The following MID1 variants were observed in gnomAD, a reference collection of about 807,000 sequenced individuals.
MID1 encodes the protein E3 ubiquitin-protein ligase Midline-1.
MID1 carries 7 observed loss-of-function variants against 40.4 expected under a neutral mutation model. The observed-to-expected ratio is 0.17, with a 90% CI of 0.10 to 0.33. The LOEUF (loss-of-function observed/expected upper bound fraction) is 0.33, where lower values mean the gene tolerates loss of function less well. MID1 is among the 10% of genes least tolerant of loss of function. MID1 has a pLI of 1.00. For missense variants in MID1, 367 were observed against 558.5 expected, an observed-to-expected ratio of 0.66 and a Z score of 3.46; for synonymous variants, 229 against 221.2, an observed-to-expected ratio of 1.04 and a Z score of -0.31.
intron 1 of MID1, among the ~76,000 whole-genome samples, chrX:10,679,314 A>C (rs1464056342): frequency 9.0e-6 from 1 of 111,695 alleles, no homozygotes; most frequent in African/African-American, 3.3e-5. Flanking sequence ...TTGTATTTGC[A>C]AAAACAGGAA....
At chrX:10,747,283 G>A (rs140750054) in intron 1 of MID1, among the ~76,000 whole-genome samples, 6 of 111,906 alleles carry the variant, frequency 5.4e-5, no homozygotes, top group East Asian at 5.6e-4. Flanking sequence ...AGCTCATGCC[G>A]TGGCAGCTGG....
chrX:10,495,220 T>C (rs770061349), intron 4 of MID1, among the ~76,000 whole-genome samples: 2 of 111,931 alleles, frequency 1.8e-5, no homozygotes, highest in African/African-American at 6.5e-5. Flanking sequence ...TGTAATGCTA[T>C]GCTAGTTTCT....
At chrX:10,626,711 T>C (rs965036327) in intron 1 of MID1, among the ~76,000 whole-genome samples, 2 of 111,503 alleles carry the variant, frequency 1.8e-5, no homozygotes, top group African/African-American at 6.5e-5. Context: ...GATAGAAGGA[T>C]CTTGGATTTC....
chrX:10,652,310 C>T (rs1282072165), intron 1 of MID1, among the ~76,000 whole-genome samples: 1 of 111,644 alleles, frequency 9.0e-6, no homozygotes, highest in Non-Finnish European at 1.9e-5. Flanking sequence ...CCACCAGATG[C>T]TCAGATCAGA....
chrX:10,786,747 C>T (rs1442658886), intron 1 of MID1, among the ~76,000 whole-genome samples: 2 of 97,030 alleles, frequency 2.1e-5, no homozygotes, highest in Non-Finnish European at 4.0e-5. Flanking sequence ...TGTTCTCACT[C>T]ATAGGTGGGA....
intron 5 of MID1, among the ~76,000 whole-genome samples, chrX:10,481,190 A>C (rs1930302946): frequency 8.9e-6 from 1 of 111,903 alleles, no homozygotes; most frequent in Admixed American, 9.5e-5. Flanking sequence ...ACAACCTGCA[A>C]AGCGGAAAAA....
At chrX:10,572,141 TTCTCTC>T (rs1193315644) in intron 1 of MID1, among the ~76,000 whole-genome samples, 2 of 92,577 alleles carry the variant, frequency 2.2e-5, no homozygotes, top group Non-Finnish European at 4.3e-5. Flanking sequence ...CTCTCTCCCT[TTCTCTC>T]TCTCTTTCTC....
intron 1 of MID1, among the ~76,000 whole-genome samples, chrX:10,733,659 G>C (rs1294037922): frequency 9.0e-6 from 1 of 111,311 alleles, no homozygotes; most frequent in Non-Finnish European, 1.9e-5. Flanking sequence ...ATAAAAACGA[G>C]CAAACATGTG....
intron 1 of MID1, among the ~76,000 whole-genome samples, chrX:10,753,814 T>G (rs2043614246): frequency 8.9e-6 from 1 of 112,197 alleles, no homozygotes; most frequent in African/African-American, 3.2e-5. Flanking sequence ...GGTGGCAAAC[T>G]GGATGCTAAA....
rs757390504 is a variant in MID1, at chrX:10,636,785, G to GAGATATATATATATATATAT, written c.-186-16367_-186-16366insATATATATATATATATATCT. Reference sequence around the variant, plus strand: ...CAAACTGGGCCATTCCAACAATGGGGATATATATATATATATATATATATA... The same window carrying GAGATATATATATATATATAT: ...CAAACTGGGCCATTCCAACAATGGGGAGATATATATATATATATATATATATATATATATATATATATATA... On this transcript the variant is annotated intron_variant, in intron 1 of 10. Coordinates refer to the MID1 transcript ENST00000380785. 1.0e-3 allele frequency among the ~76,000 whole-genome samples: 43 copies of GAGATATATATATATATATAT among 42,704 alleles called. 2 individuals are homozygous for GAGATATATATATATATATAT. The highest frequency in any genetic ancestry group is 1.3e-3 in the Non-Finnish European group (32 of 24,756). 37.1% of individuals were successfully genotyped at this position (42,704 alleles called of 115,157 possible).
intron 1 of MID1, among the ~76,000 whole-genome samples, chrX:10,829,584 G>T (rs761129367): frequency 8.9e-6 from 1 of 111,953 alleles, no homozygotes; most frequent in African/African-American, 3.2e-5. Flanking sequence ...GTCTTTGAAA[G>T]GTTCATTCAC....
In MID1 at chrX:10,510,830, C is replaced by CAAAAAAAAAAAA. The variant is rs1185825614; in HGVS notation, c.756+12250_756+12261dup. 3.0e-3 allele frequency among the ~76,000 whole-genome samples: 71 copies of CAAAAAAAAAAAA among 23,940 alleles called. 2 individuals are homozygous for CAAAAAAAAAAAA. Among genetic ancestry groups the CAAAAAAAAAAAA allele is most frequent in the Non-Finnish European group, 4.1e-3 (56 of 13,501 alleles). 20.8% of individuals were successfully genotyped at this position (23,940 alleles called of 115,157 possible). On this transcript the variant is annotated intron_variant, in intron 3 of 9. Transcript: ENST00000317552. The stretch of plus-strand genomic sequence containing the variant: ...CTGGCAACAGAGCAAGACTCTGTCT[C>CAAAAAAAAAAAA]AAAAAAAAAAAAAAAAAAAAAAAAG...
At chrX:10,529,742 T>C (rs1932910037) in intron 2 of MID1, among the ~76,000 whole-genome samples, 1 of 112,035 alleles carries the variant, frequency 8.9e-6, no homozygotes, top group Non-Finnish European at 1.9e-5. Flanking sequence ...CAGAAAATTC[T>C]ACCAGCAAAA....
intron 3 of MID1, among the ~76,000 whole-genome samples, chrX:10,510,664 T>G (rs142152543): frequency 8.7e-4 from 92 of 105,909 alleles, no homozygotes; most frequent in Non-Finnish European, 1.3e-3. Flanking sequence ...AATCCCGGTC[T>G]CTACTAAAAA....
At chrX:10,655,029 C>T (rs1049715185) in intron 1 of MID1, among the ~76,000 whole-genome samples, 3 of 112,228 alleles carry the variant, frequency 2.7e-5, no homozygotes, top group Admixed American at 9.4e-5. Context: ...AAGGAAATTA[C>T]ATAATATCTT....
At chrX:10,516,601 T>TGTGTGC (rs1205922328) in intron 3 of MID1, among the ~76,000 whole-genome samples, 42 of 71,354 alleles carry the variant, frequency 5.9e-4, no homozygotes, top group African/African-American at 2.8e-3. Flanking sequence ...TGTGTGTGTG[T>TGTGTGC]GTGTGTGTGC....
chrX:10,542,947 T>G (rs1021820725), intron 2 of MID1, among the ~76,000 whole-genome samples: 4 of 112,572 alleles, frequency 3.6e-5, no homozygotes, highest in African/African-American at 1.3e-4. Flanking sequence ...CACATAATAA[T>G]TCTTCCTCAT....
intron 1 of MID1, among the ~76,000 whole-genome samples, chrX:10,758,033 T>A (rs2043644610): frequency 9.1e-6 from 1 of 110,220 alleles, no homozygotes; most frequent in Non-Finnish European, 1.9e-5. Flanking sequence ...TGGCATGATC[T>A]CCGCTTTGCA....
intron 4 of MID1, among the ~76,000 whole-genome samples, chrX:10,490,399 A>G (rs1930877962): frequency 8.9e-6 from 1 of 111,806 alleles, no homozygotes; most frequent in Non-Finnish European, 1.9e-5. Flanking sequence ...ATTCTATGTC[A>G]GATGTTTCAG....
Sources: allele counts gnomAD v4.1 joint callset (sites outside exome capture counted in the v4.1 genomes callset), GRCh38; gene constraint gnomAD v4.1.1; transcripts MANE v1.5; gene names NCBI Gene and HGNC (gene_info 2026-07-23, HGNC 2026-07-21).